Variants in EIPR1 observed in about 807,000 individuals in gnomAD.
EIPR1 encodes EARP complex and GARP complex interacting protein 1.
EIPR1 carries 25 observed loss-of-function variants against 48.1 expected under a neutral mutation model. The ratio of observed to expected loss-of-function variants is 0.52; its 90% CI spans 0.38 to 0.73. The LOEUF (loss-of-function observed/expected upper bound fraction) is 0.73. EIPR1 is among the 30% of genes least tolerant of loss of function. The probability of loss-of-function intolerance (pLI) is 0.00; values close to 1 mark genes in which losing one functional copy is unlikely to be tolerated. For missense variants in EIPR1, 415 were observed against 506.2 expected (o/e 0.82, Z 1.73); for synonymous variants, 204 against 201.9 (o/e 1.01, Z -0.09).
chr2:3,284,672 C>T (rs1023131309), intron 3 of EIPR1, among the ~76,000 whole-genome samples: 20 of 152,220 alleles, frequency 1.3e-4, no homozygotes, highest in Non-Finnish European at 2.6e-4. Flanking sequence ...GGGCAGAGAA[C>T]GGTTCACTTC....
chr2:3,302,336 T>C (rs1668786672), intron 3 of EIPR1, among the ~76,000 whole-genome samples: 1 of 152,066 alleles, frequency 6.6e-6, no homozygotes, highest in Non-Finnish European at 1.5e-5. Context: ...CTACAAAAAA[T>C]TTAAATGTTA....
At position 3,354,442 on chromosome 2, in the gene EIPR1, T is replaced by C. The variant is rs922616253; in HGVS notation, c.126+108A>G. On this transcript the variant is annotated intron_variant, in intron 2 of 8. Coordinates refer to ENST00000382125, the MANE Select transcript of EIPR1 (RefSeq NM_003310.5). ...ATCCAAATGAAAGTTTTATTTTGTTTATGTGGCATTAATTTCTCAAATGTT... is the reference window on the plus strand; with the variant it reads ...ATCCAAATGAAAGTTTTATTTTGTTCATGTGGCATTAATTTCTCAAATGTT... 9.7e-6 allele frequency: 9 copies of C among 928,638 alleles called. No individual in the cohort carries two copies. The African/African-American group carries it at 1.3e-4, about 14-fold the overall frequency. 57.5% of individuals were successfully genotyped at this position (928,638 alleles called of 1,614,324 possible). A position where few individuals can be genotyped will look rare whatever the true frequency, so the allele number is the denominator to read the frequency against.
chr2:3,364,538 G>A (rs1163092615), intron 1 of EIPR1, among the ~76,000 whole-genome samples: 1 of 151,988 alleles, frequency 6.6e-6, no homozygotes, highest in African/African-American at 2.4e-5. Context: ...TAGGGCCTGA[G>A]GTGGGAGGAT....
rs112373238 is a variant in EIPR1, at chr2:3,304,601, T to C, written c.259+33416A>G. 6.9e-4 allele frequency among the ~76,000 whole-genome samples: 4 copies of C among 5,764 alleles called. 1 individual carries two copies. Among genetic ancestry groups the C allele is most frequent in the Non-Finnish European group, 1.4e-3 (4 of 2,946 alleles). The allele number at this position is 5,764 out of a possible 152,430, so 3.8% of individuals were successfully genotyped here. On this transcript the variant is annotated intron_variant, in intron 3 of 8. Transcript: ENST00000382125. ...CCCTCCAATCCCGTCCAGTTCAACC[T>C]TCCACTCCCGTCCAATTCAGCCCTC...
chr2:3,353,908 T>C (rs781299898), intron 2 of EIPR1, among the ~76,000 whole-genome samples: 2 of 152,136 alleles, frequency 1.3e-5, no homozygotes, highest in Non-Finnish European at 2.9e-5. Context: ...TCCCGCACAT[T>C]TTCCCAGTGT....
chr2:3,367,583 C>T (rs985286660), intron 1 of EIPR1, among the ~76,000 whole-genome samples: 13 of 152,166 alleles, frequency 8.5e-5, no homozygotes, highest in African/African-American at 2.9e-4. Flanking sequence ...GTAAATGACT[C>T]GTAAACCGAA....
chr2:3,368,698 C>A (rs7594070), intron 1 of EIPR1, among the ~76,000 whole-genome samples: 10,757 of 152,264 alleles, frequency 0.071, 385 homozygotes, highest in African/African-American at 0.09. Context: ...TCACAAAGAA[C>A]TACTGTTGTG....
At chr2:3,350,663 G>C (rs1238392343) in intron 2 of EIPR1, among the ~76,000 whole-genome samples, 1 of 152,198 alleles carries the variant, frequency 6.6e-6, no homozygotes, top group Non-Finnish European at 1.5e-5. Context: ...GTGGATGAAT[G>C]AATGAACAGC....
At chr2:3,341,647 A>C (rs780836743) in intron 2 of EIPR1, among the ~76,000 whole-genome samples, 8 of 147,958 alleles carry the variant, frequency 5.4e-5, no homozygotes, top group Middle Eastern at 3.2e-3. Context: ...CATGGGTGTG[A>C]ATGTGCATGT....
intron 3 of EIPR1, among the ~76,000 whole-genome samples, chr2:3,325,193 A>T (rs1669657495): frequency 6.6e-6 from 1 of 152,214 alleles, no homozygotes. Context: ...GCCGGCGGTC[A>T]GGACCACCCC....
intron 8 of EIPR1, among the ~76,000 whole-genome samples, chr2:3,190,021 G>A (rs1436705715): frequency 6.6e-6 from 1 of 152,080 alleles, no homozygotes; most frequent in Non-Finnish European, 1.5e-5. Flanking sequence ...AGTGGGGCTG[G>A]GCTGAGGATC....
At chr2:3,318,182 G>GAGCGC (rs1260540334) in intron 3 of EIPR1, among the ~76,000 whole-genome samples, 1 of 152,236 alleles carries the variant, frequency 6.6e-6, no homozygotes, top group African/African-American at 2.4e-5. Context: ...GGCCGCAGAA[G>GAGCGC]AGCGCAGCAC....
At chr2:3,292,745 T>C (rs1307570782) in intron 3 of EIPR1, among the ~76,000 whole-genome samples, 1 of 152,142 alleles carries the variant, frequency 6.6e-6, no homozygotes, top group Non-Finnish European at 1.5e-5. Context: ...CGGCAACTTC[T>C]GCCAAGATGA....
chr2:3,369,984 C>G (rs952543309), intron 1 of EIPR1, among the ~76,000 whole-genome samples: 4 of 107,204 alleles, frequency 3.7e-5, no homozygotes, highest in Non-Finnish European at 9.3e-5. Flanking sequence ...TGGGAGGCAC[C>G]CCCCCCGTAG....
At chr2:3,316,319 C>T (rs916186195) in intron 3 of EIPR1, among the ~76,000 whole-genome samples, 4 of 152,114 alleles carry the variant, frequency 2.6e-5, no homozygotes, top group African/African-American at 9.6e-5. Context: ...TTGGAGTCTG[C>T]AGCACCTGCC....
At chr2:3,243,289 T>C (rs974480568) in intron 4 of EIPR1, among the ~76,000 whole-genome samples, 1 of 152,222 alleles carries the variant, frequency 6.6e-6, no homozygotes, top group African/African-American at 2.4e-5. Flanking sequence ...ATATGCTTCA[T>C]AGAACTTGGG....
chr2:3,229,573 G>A (rs1558237637), intron 4 of EIPR1, among the ~76,000 whole-genome samples: 1 of 152,146 alleles, frequency 6.6e-6, no homozygotes, highest in Non-Finnish European at 1.5e-5. Context: ...TTACATTTCT[G>A]CAACCAGGCT....
At chr2:3,356,858 G>A (rs1670742416) in intron 1 of EIPR1, among the ~76,000 whole-genome samples, 1 of 152,194 alleles carries the variant, frequency 6.6e-6, no homozygotes, top group Non-Finnish European at 1.5e-5. Flanking sequence ...AAACTGAAAG[G>A]AAAACGCTAA....
chr2:3,293,337 G>A (rs1027825040), intron 3 of EIPR1, among the ~76,000 whole-genome samples: 1 of 152,220 alleles, frequency 6.6e-6, no homozygotes, highest in Non-Finnish European at 1.5e-5. Flanking sequence ...GAAGACTTCA[G>A]GAGGGGCGTG....
Sources: allele counts gnomAD v4.1 joint callset (sites outside exome capture counted in the v4.1 genomes callset), GRCh38; gene constraint gnomAD v4.1.1; transcripts MANE v1.5; gene names NCBI Gene and HGNC (gene_info 2026-07-23, HGNC 2026-07-21).